The following DENND1A variants were observed in gnomAD, a reference collection of about 807,000 sequenced individuals.
The protein encoded by DENND1A is DENN domain-containing protein 1A.
In DENND1A, 51 loss-of-function variants were observed where a neutral mutation model predicts 113.7. The observed-to-expected ratio is 0.45, with a 90% CI of 0.36 to 0.57. DENND1A has a LOEUF of 0.57. Ranked by LOEUF, DENND1A falls within the 20% of genes least tolerant of loss-of-function variation. The pLI is 0.00. For synonymous variants in DENND1A, 565 were observed against 570.8 expected (o/e 0.99, Z 0.14); for missense variants, 1,258 against 1,395.9 (o/e 0.90, Z 1.57).
intron 5 of DENND1A, among the ~76,000 whole-genome samples, chr9:123,710,447 C>T (rs765832819): frequency 6.6e-6 from 1 of 152,128 alleles, no homozygotes; most frequent in Non-Finnish European, 1.5e-5. Flanking sequence ...GGCTACCACT[C>T]TAGAGAATCC....
At chr9:123,721,228 A>G (rs1035317028) in intron 5 of DENND1A, among the ~76,000 whole-genome samples, 3 of 152,252 alleles carry the variant, frequency 2.0e-5, no homozygotes, top group African/African-American at 7.2e-5. Context: ...CACTGACTTC[A>G]GGATCAAGTC....
intron 13 of DENND1A, among the ~76,000 whole-genome samples, chr9:123,460,549 G>A (rs976846322): frequency 4.6e-5 from 7 of 152,118 alleles, no homozygotes; most frequent in South Asian, 2.1e-4. Flanking sequence ...TCAAGACTGC[G>A]CCCCAAATCT....
At chr9:123,768,061 G>A (rs1022979323) in intron 4 of DENND1A, among the ~76,000 whole-genome samples, 8 of 152,032 alleles carry the variant, frequency 5.3e-5, no homozygotes, top group Non-Finnish European at 1.2e-4. Flanking sequence ...TTACTTCCTT[G>A]CATTTTTAGG....
At chr9:123,624,533 A>G (rs77078128) in intron 10 of DENND1A, among the ~76,000 whole-genome samples, 3,275 of 152,342 alleles carry the variant, frequency 0.021, 45 homozygotes, top group Non-Finnish European at 0.033. Flanking sequence ...TCCTTTGGTC[A>G]TATGTCAGAA....
Position 123,652,114 on chromosome 9 carries a change from T to C in DENND1A, c.517A>G (p.Thr173Ala), listed in dbSNP as rs753349260. The C allele has an allele frequency of 1.2e-6, 2 of 1,614,124 alleles. No individual in the cohort carries two copies. The highest frequency in any genetic ancestry group is 8.5e-7 in the Non-Finnish European group (1 of 1,179,986). ...ACATCCACAGCCACAAAATATTCTG[T>C]CAGATTTCTCTAGGAGAAAGAAGAA... ...LPSIPENRNL[T>A]EYFVAVDVNN... The change falls in exon 9 of 24, where the codon ACA (threonine) becomes GCA (alanine). Residue 173 changes from threonine to alanine, a missense_variant. Physicochemically the swap from Thr to Ala is moderately conservative, Grantham distance 58. Transcript: ENST00000394215.
chr9:123,692,625 T>C (rs2065256752), intron 5 of DENND1A, among the ~76,000 whole-genome samples: 1 of 152,234 alleles, frequency 6.6e-6, no homozygotes, highest in Non-Finnish European at 1.5e-5. Flanking sequence ...ACTAATTAAA[T>C]ATGACTTAAC....
At chr9:123,435,752 C>T (rs1336032336) in intron 19 of DENND1A, among the ~76,000 whole-genome samples, 3 of 152,234 alleles carry the variant, frequency 2.0e-5, no homozygotes, top group African/African-American at 7.2e-5. Flanking sequence ...AGGCCATTCT[C>T]CTGGCAAGGA....
At chr9:123,476,062 G>A (rs1256911749) in intron 13 of DENND1A, among the ~76,000 whole-genome samples, 1 of 152,176 alleles carries the variant, frequency 6.6e-6, no homozygotes. Context: ...GTGTACTCCT[G>A]TAATCCCAGC....
In DENND1A at chr9:123,621,899, T is replaced by G. The variant is rs145632897; in HGVS notation, c.719+8477A>C. On this transcript the variant is annotated intron_variant, in intron 10 of 23. Transcript: ENST00000394215. ...TTGATGCCCCATCGCCTATGTGGAC[T>G]GTGCATCTTTTGTTGAAAATCCTAC... Among the ~76,000 whole-genome samples, 6 of 152,328 alleles carry G rather than the reference T, an allele frequency of 3.9e-5. No homozygotes were observed. In the East Asian group the frequency reaches 1.2e-3, roughly 29 times the overall value.
chr9:123,613,378 C>T (rs2060504127), intron 10 of DENND1A, among the ~76,000 whole-genome samples: 1 of 152,034 alleles, frequency 6.6e-6, no homozygotes, highest in Non-Finnish European at 1.5e-5. Context: ...GAATCCAACA[C>T]ATCTGAATCC....
chr9:123,390,815 C>CAAATGG (rs776893860), intron 21 of DENND1A, among the ~76,000 whole-genome samples: 31 of 152,260 alleles, frequency 2.0e-4, no homozygotes, highest in Non-Finnish European at 4.3e-4. Flanking sequence ...CGGCTCGGGC[C>CAAATGG]AAATGGAGGG....
rs767927814 is a variant in DENND1A at position 123,382,365 on chromosome 9, G to T, written c.2280C>A (p.Ile760=). ...GGGTCTTCCTGCCTTGGGGCCGGGG[G>T]ATGGTGATGCTGCCCAGAGTAGGGG... ...VPTPTLGSIT[I]PRPQGRKTPE... The change falls in exon 24 of 24, where the codon ATC becomes ATA. Residue 760 remains isoleucine, a synonymous_variant. Transcript: ENST00000394215. The T allele has an allele frequency of 6.2e-7, 1 of 1,600,344 alleles. No individual in the cohort carries two copies. Among genetic ancestry groups the T allele is most frequent in the Non-Finnish European group, 8.5e-7 (1 of 1,173,412 alleles).
intron 4 of DENND1A, among the ~76,000 whole-genome samples, chr9:123,760,020 G>C (rs539791034): frequency 2.0e-5 from 3 of 152,064 alleles, no homozygotes; most frequent in Non-Finnish European, 4.4e-5. Context: ...GGTATTTTTG[G>C]TTAAAAAATC....
chr9:123,440,994 T>G (rs2046891561), intron 18 of DENND1A, among the ~76,000 whole-genome samples: 1 of 152,222 alleles, frequency 6.6e-6, no homozygotes, highest in African/African-American at 2.4e-5. Context: ...TATTGGGCAT[T>G]TAGGATTCTA....
rs186421677 is a variant in DENND1A, at chr9:123,470,518, A to G, written c.994-12621T>C. 3.0e-3 allele frequency among the ~76,000 whole-genome samples: 455 copies of G among 152,294 alleles called. 2 individuals are homozygous for G. The highest frequency in any genetic ancestry group is 0.011 in the African/African-American group (438 of 41,564). Reference sequence around the variant, plus strand: ...CACGGTTTGAGGAAGTGCACTGGAGAGAGGACACGTGTCAGGGACCTGATA... The same window carrying G: ...CACGGTTTGAGGAAGTGCACTGGAGGGAGGACACGTGTCAGGGACCTGATA... On this transcript the variant is annotated intron_variant, in intron 13 of 23. Transcript: ENST00000394215.
intron 4 of DENND1A, 87 bp from the exon 5 acceptor site, chr9:123,757,909 T>C (rs934092364): frequency 4.0e-6 from 6 of 1,494,602 alleles, no homozygotes; most frequent in Non-Finnish European, 4.5e-6. Context: ...GTTGAACTTA[T>C]AACATTTCCT....
At chr9:123,862,041 C>T (rs1564406395) in intron 2 of DENND1A, among the ~76,000 whole-genome samples, 1 of 152,142 alleles carries the variant, frequency 6.6e-6, no homozygotes, top group South Asian at 2.1e-4. Flanking sequence ...TTGTCCCAAC[C>T]GCTAAGGAAT....
intron 18 of DENND1A, among the ~76,000 whole-genome samples, chr9:123,448,991 T>C (rs2047506283): frequency 1.3e-5 from 2 of 152,208 alleles, no homozygotes; most frequent in South Asian, 2.1e-4. Context: ...AAACATCTTT[T>C]GGAAAACAAA....
At chr9:123,521,353 C>T (rs2054379762) in intron 13 of DENND1A, among the ~76,000 whole-genome samples, 1 of 152,148 alleles carries the variant, frequency 6.6e-6, no homozygotes, top group Non-Finnish European at 1.5e-5. Context: ...GGTTAAGGGG[C>T]TTGAGAGTCC....
Sources: allele counts gnomAD v4.1 joint callset (sites outside exome capture counted in the v4.1 genomes callset), GRCh38; gene constraint gnomAD v4.1.1; transcripts MANE v1.5; gene names NCBI Gene and HGNC (gene_info 2026-07-23, HGNC 2026-07-21).